Variants in GRM8 observed in about 807,000 individuals in gnomAD.
GRM8 encodes metabotropic glutamate receptor 8.
GRM8 carries 47 observed loss-of-function variants against 87.2 expected under a neutral mutation model. The ratio of observed to expected loss-of-function variants is 0.54; its 90% CI spans 0.43 to 0.69. The LOEUF is 0.69. GRM8 is among the 30% of genes least tolerant of loss of function. The pLI is 0.00. For missense variants in GRM8, 1,019 were observed against 1,139.2 expected, an observed-to-expected ratio of 0.89 and a Z score of 1.52; for synonymous variants, 396 against 404.5, an observed-to-expected ratio of 0.98 and a Z score of 0.25.
At chr7:126,906,236 C>T (rs1802657255) in intron 3 of GRM8, among the ~76,000 whole-genome samples, 1 of 152,176 alleles carries the variant, frequency 6.6e-6, no homozygotes, top group Non-Finnish European at 1.5e-5. Context: ...ACCATGCTGG[C>T]ACCTTGCTCT....
At chr7:126,894,332 T>C (rs968487836) in intron 6 of GRM8, among the ~76,000 whole-genome samples, 3 of 152,062 alleles carry the variant, frequency 2.0e-5, no homozygotes, top group African/African-American at 7.2e-5. Context: ...TGTTTGCCTA[T>C]ATACTCTTTT....
intron 7 of GRM8, among the ~76,000 whole-genome samples, chr7:126,667,989 A>C (rs979259285): frequency 2.0e-5 from 3 of 152,144 alleles, no homozygotes; most frequent in Non-Finnish European, 2.9e-5. Flanking sequence ...GACTGAATAC[A>C]CCAGCAACCT....
intron 2 of GRM8, among the ~76,000 whole-genome samples, chr7:127,140,340 C>T: frequency 6.6e-6 from 1 of 152,152 alleles, no homozygotes; most frequent in East Asian, 1.9e-4. Flanking sequence ...TGTCTCCAGA[C>T]ATTGCCAAAT....
intron 3 of GRM8, among the ~76,000 whole-genome samples, chr7:126,940,433 G>T (rs776312785): frequency 2.0e-5 from 3 of 152,070 alleles, no homozygotes; most frequent in Non-Finnish European, 2.9e-5. Context: ...CTAATGCCAT[G>T]GTCCCTGAGA....
intron 7 of GRM8, among the ~76,000 whole-genome samples, chr7:126,620,245 G>A (rs532884496): frequency 2.0e-5 from 3 of 152,092 alleles, no homozygotes; most frequent in East Asian, 1.9e-4. Flanking sequence ...CTAGAATTGC[G>A]CTACTGCACT....
intron 3 of GRM8, among the ~76,000 whole-genome samples, chr7:127,060,823 A>AT (rs397788180): frequency 1.3e-5 from 2 of 151,686 alleles, no homozygotes; most frequent in African/African-American, 2.4e-5. Flanking sequence ...AAAAAAAAAA[A>AT]TTTAACTCAT....
At chr7:126,820,881 G>T (rs1475604692) in intron 6 of GRM8, among the ~76,000 whole-genome samples, 1 of 152,184 alleles carries the variant, frequency 6.6e-6, no homozygotes, top group Non-Finnish European at 1.5e-5. Flanking sequence ...TGGGCGGATC[G>T]CTTGAGGCCA....
intron 3 of GRM8, among the ~76,000 whole-genome samples, chr7:127,005,715 T>C (rs916674125): frequency 1.3e-5 from 2 of 151,844 alleles, no homozygotes; most frequent in African/African-American, 4.8e-5. Context: ...ATATTCCTTA[T>C]CCTCTTTTTC....
rs762874913 is a variant in GRM8 at position 126,769,901 on chromosome 7, C to T, written c.1321G>A (p.Glu441Lys). Reference protein sequence around the residue: ...CPRMSTIDGKELLGYIRAVNF... With the variant: ...CPRMSTIDGKKLLGYIRAVNF... ...ACAGCCCGAATATAACCAAGTAGCT[C>T]TTTCCCATCAATGGTACTCATTCGT... The change falls in exon 7 of 11, where the codon GAG (glutamate) becomes AAG (lysine). Residue 441 changes from glutamate to lysine, a missense_variant. Glu to Lys is a moderately conservative substitution (Grantham distance 56). Transcript: ENST00000339582. The T allele has an allele frequency of 6.2e-6, 10 of 1,612,700 alleles. No homozygotes were observed. Among genetic ancestry groups the T allele is most frequent in the Non-Finnish European group, 6.8e-6 (8 of 1,178,960 alleles).
At chr7:127,055,280 G>T (rs1303295579) in intron 3 of GRM8, among the ~76,000 whole-genome samples, 1 of 152,058 alleles carries the variant, frequency 6.6e-6, no homozygotes, top group African/African-American at 2.4e-5. Context: ...TATTTTTTAG[G>T]TAGTCTATGG....
rs142827816 is a variant in GRM8 at position 127,223,260 on chromosome 7, A to G, written c.510+19435T>C. ...TTCCCTCATGTATTTCCTCATCTATACCTGAAAAGCCAGCAACCTGGAAAC... is the reference window on the plus strand; with the variant it reads ...TTCCCTCATGTATTTCCTCATCTATGCCTGAAAAGCCAGCAACCTGGAAAC... On this transcript the variant is annotated intron_variant, in intron 2 of 10. Transcript: ENST00000339582. 3.1e-3 allele frequency among the ~76,000 whole-genome samples: 474 copies of G among 152,152 alleles called. 9 individuals carry two copies. Among genetic ancestry groups the G allele is most frequent in the Admixed American group, 0.028 (426 of 15,272 alleles).
At chr7:127,044,211 ACT>A (rs1241016490) in intron 3 of GRM8, among the ~76,000 whole-genome samples, 1 of 151,906 alleles carries the variant, frequency 6.6e-6, no homozygotes, top group Non-Finnish European at 1.5e-5. Flanking sequence ...AGAATAATTA[ACT>A]CTCTTCAGAA....
intron 6 of GRM8, among the ~76,000 whole-genome samples, chr7:126,874,802 A>G (rs1799398820): frequency 6.6e-6 from 1 of 152,164 alleles, no homozygotes; most frequent in Non-Finnish European, 1.5e-5. Flanking sequence ...ACATGGAAGT[A>G]CATTTGACCA....
chr7:126,493,748 C>T (rs985131778), intron 9 of GRM8, among the ~76,000 whole-genome samples: 1 of 151,992 alleles, frequency 6.6e-6, no homozygotes, highest in Non-Finnish European at 1.5e-5. Flanking sequence ...ATAATGGCTA[C>T]CCTAGAGTTT....
chr7:126,614,276 T>C (rs919081742), intron 7 of GRM8, among the ~76,000 whole-genome samples: 3 of 152,046 alleles, frequency 2.0e-5, no homozygotes, highest in Non-Finnish European at 2.9e-5. Context: ...GGGTCTGGAG[T>C]GGACCTCCAG....
chr7:127,166,206 G>A (rs575870341), intron 2 of GRM8, among the ~76,000 whole-genome samples: 1 of 152,232 alleles, frequency 6.6e-6, no homozygotes, highest in African/African-American at 2.4e-5. Context: ...TTTTCCCACT[G>A]TGAAGCAATA....
At chr7:126,542,995 T>C (rs1429543898) in intron 8 of GRM8, among the ~76,000 whole-genome samples, 1 of 152,184 alleles carries the variant, frequency 6.6e-6, no homozygotes, top group African/African-American at 2.4e-5. Context: ...AGATGGGATC[T>C]AGTTTTCTGA....
chr7:127,152,195 T>G (rs1436107826), intron 2 of GRM8, among the ~76,000 whole-genome samples: 1 of 152,078 alleles, frequency 6.6e-6, no homozygotes, highest in Non-Finnish European at 1.5e-5. Flanking sequence ...CATGTGAGTT[T>G]TATCACTTAG....
rs144077638 is a variant in GRM8, at chr7:127,212,410, A to ATTTTTTT, written c.510+30278_510+30284dup. On this transcript the variant is annotated intron_variant, in intron 2 of 10. Transcript: ENST00000339582. ...TATGAGCACACTAGGACATGGTGTTATTTTTTTTTTTTTTTTTTTTTTTTT... is the reference window on the plus strand; with the variant it reads ...TATGAGCACACTAGGACATGGTGTTATTTTTTTTTTTTTTTTTTTTTTTTTTTTTTTT... 4.3e-4 allele frequency among the ~76,000 whole-genome samples: 42 copies of ATTTTTTT among 97,696 alleles called. 2 individuals carry two copies. Among genetic ancestry groups the ATTTTTTT allele is most frequent in the South Asian group, 1.1e-3 (3 of 2,754 alleles). The allele number at this position is 97,696 out of a possible 152,430, so 64.1% of individuals were successfully genotyped here.
Sources: allele counts gnomAD v4.1 joint callset (sites outside exome capture counted in the v4.1 genomes callset), GRCh38; gene constraint gnomAD v4.1.1; transcripts MANE v1.5; gene names NCBI Gene and HGNC (gene_info 2026-07-23, HGNC 2026-07-21).